SOX5: variants seen among roughly 807,000 people sequenced by gnomAD.
SOX5 encodes the protein SRY-box transcription factor 5.
Under a neutral mutation model 92.0 loss-of-function variants are expected in SOX5, and 9 were observed. That is an observed-to-expected ratio of 0.10 (90% CI 0.06 to 0.17). SOX5 has a LOEUF of 0.17. Ranked by LOEUF, SOX5 falls within the 10% of genes least tolerant of loss-of-function variation. SOX5 has a pLI of 1.00. For missense variants in SOX5, 642 were observed against 944.5 expected, an observed-to-expected ratio of 0.68 and a Z score of 4.20; for synonymous variants, 344 against 336.3, an observed-to-expected ratio of 1.02 and a Z score of -0.25.
At chr12:24,309,817 C>T (rs962218681) in intron 2 of SOX5, among the ~76,000 whole-genome samples, 1 of 152,120 alleles carries the variant, frequency 6.6e-6, no homozygotes, top group African/African-American at 2.4e-5. Context: ...ATAAAGATTT[C>T]CTTTACACTA....
intron 1 of SOX5, among the ~76,000 whole-genome samples, chr12:24,470,721 T>G (rs1184356244): frequency 1.3e-5 from 2 of 152,174 alleles, no homozygotes; most frequent in African/African-American, 2.4e-5. Context: ...CTCAGAATAT[T>G]CTGTGTTCAA....
chr12:24,089,809 G>C (rs963893416), intron 4 of SOX5, among the ~76,000 whole-genome samples: 2 of 152,038 alleles, frequency 1.3e-5, no homozygotes, highest in African/African-American at 4.8e-5. Flanking sequence ...CTGAATATGG[G>C]AACTCTCAGC....
At chr12:23,803,202 G>A (rs2095695987) in intron 3 of SOX5, among the ~76,000 whole-genome samples, 1 of 152,070 alleles carries the variant, frequency 6.6e-6, no homozygotes, top group Non-Finnish European at 1.5e-5. Flanking sequence ...CCTCTTTCAA[G>A]TTCTAATTTC....
At chr12:24,376,147 T>C (rs1957240023) in intron 1 of SOX5, among the ~76,000 whole-genome samples, 1 of 152,258 alleles carries the variant, frequency 6.6e-6, no homozygotes, top group Admixed American at 6.5e-5. Flanking sequence ...TGAGATACTA[T>C]GGCAACTTGC....
chr12:23,888,675 TG>T (rs1207984231), intron 2 of SOX5, among the ~76,000 whole-genome samples: 1 of 152,166 alleles, frequency 6.6e-6, no homozygotes, highest in Non-Finnish European at 1.5e-5. Context: ...CTGCTAGCCC[TG>T]GGGGTAATTT....
intron 1 of SOX5, among the ~76,000 whole-genome samples, chr12:24,456,184 A>G (rs1943001706): frequency 1.3e-5 from 2 of 152,196 alleles, no homozygotes; most frequent in Non-Finnish European, 2.9e-5. Flanking sequence ...TTTTGTAAAA[A>G]ATAAAGAAAC....
rs375382024 is a variant in SOX5, at chr12:23,931,025, T to C, written c.38+18539A>G. 5.3e-5 allele frequency among the ~76,000 whole-genome samples: 8 copies of C among 151,786 alleles called. No individual in the cohort carries two copies. The East Asian group carries it at 1.6e-3, about 29-fold the overall frequency. ...TGTCTCTCCCACCAAACCATAAGCT[T>C]CATAGGGACAAAAGCTATATATTTT... On this transcript the variant is annotated intron_variant, in intron 1 of 14. Coordinates refer to ENST00000451604, the MANE Select transcript of SOX5 (RefSeq NM_006940.6).
At chr12:24,060,791 T>C (rs1445296557) in intron 4 of SOX5, among the ~76,000 whole-genome samples, 3 of 152,182 alleles carry the variant, frequency 2.0e-5, no homozygotes, top group Non-Finnish European at 4.4e-5. Flanking sequence ...GGATATGGAT[T>C]GGAGCTGCTT....
intron 4 of SOX5, among the ~76,000 whole-genome samples, chr12:24,063,535 T>C (rs916463076): frequency 6.6e-6 from 1 of 152,240 alleles, no homozygotes; most frequent in African/African-American, 2.4e-5. Context: ...GTTTCTGGAA[T>C]GTGCAAGTAA....
intron 2 of SOX5, among the ~76,000 whole-genome samples, chr12:24,351,743 T>C (rs1033679878): frequency 2.0e-5 from 3 of 152,216 alleles, no homozygotes; most frequent in African/African-American, 7.2e-5. Context: ...GAGCAACAAC[T>C]AGATAATTTC....
At chr12:23,828,506 T>C (rs1254273542) in intron 3 of SOX5, among the ~76,000 whole-genome samples, 2 of 152,184 alleles carry the variant, frequency 1.3e-5, no homozygotes, top group Non-Finnish European at 2.9e-5. Flanking sequence ...TTTATGACAT[T>C]TAATACACAA....
At chr12:23,547,078 AG>A (rs1374809619) in intron 11 of SOX5, among the ~76,000 whole-genome samples, 1 of 152,214 alleles carries the variant, frequency 6.6e-6, no homozygotes, top group Non-Finnish European at 1.5e-5. Flanking sequence ...TTAGATCTAC[AG>A]AGACATCAAG....
intron 3 of SOX5, among the ~76,000 whole-genome samples, chr12:24,225,236 T>A (rs572626059): frequency 1.3e-5 from 2 of 152,314 alleles, no homozygotes; most frequent in East Asian, 3.9e-4. Context: ...TAGTTATACC[T>A]AACCCATCAC....
At chr12:24,471,311 T>G (rs1265287203) in intron 1 of SOX5, among the ~76,000 whole-genome samples, 1 of 152,192 alleles carries the variant, frequency 6.6e-6, no homozygotes, top group African/African-American at 2.4e-5. Flanking sequence ...AATTTAATTT[T>G]TCTAACCACC....
chr12:23,732,996 CAG>C (rs1337530838), intron 6 of SOX5, among the ~76,000 whole-genome samples: 1 of 152,158 alleles, frequency 6.6e-6, no homozygotes, highest in African/African-American at 2.4e-5. Context: ...GTCATTATGA[CAG>C]GGCTTAAAAT....
At chr12:24,226,533 C>T (rs1005143636) in intron 3 of SOX5, among the ~76,000 whole-genome samples, 9 of 152,112 alleles carry the variant, frequency 5.9e-5, no homozygotes, top group African/African-American at 1.2e-4. Context: ...TGCAACGGCA[C>T]GATCTCGGCT....
At chr12:24,362,925 T>C (rs541452) in intron 2 of SOX5, among the ~76,000 whole-genome samples, 31,583 of 149,544 alleles carry the variant, frequency 0.21, 3,713 homozygotes, top group East Asian at 0.38. Flanking sequence ...TATAATAAAG[T>C]GTCTTGATCC....
chr12:24,426,153 T>C (rs1041068447), intron 1 of SOX5, among the ~76,000 whole-genome samples: 4 of 152,130 alleles, frequency 2.6e-5, no homozygotes, highest in Admixed American at 6.5e-5. Context: ...TGAGCCGAGA[T>C]TGTGCCACTG....
intron 6 of SOX5, among the ~76,000 whole-genome samples, chr12:23,677,859 A>T (rs932658486): frequency 4.9e-5 from 6 of 122,352 alleles, no homozygotes; most frequent in Admixed American, 8.3e-5. Flanking sequence ...AAACAAAAAC[A>T]AAGATAATAT....
Sources: gnomAD v4.1 joint callset for allele counts (sites outside exome capture counted in the v4.1 genomes callset) on GRCh38, gnomAD v4.1.1 for gene constraint, MANE v1.5 for transcripts, NCBI Gene and HGNC (gene_info 2026-07-23, HGNC 2026-07-21) for gene names.